The following DYSF variants were observed in gnomAD, a reference collection of about 807,000 sequenced individuals.
DYSF encodes dystrophy-associated fer-1-like 1.
DYSF carries 212 observed loss-of-function variants against 274.9 expected under a neutral mutation model. The observed-to-expected ratio is 0.77, with a 90% CI of 0.69 to 0.86. DYSF has a LOEUF of 0.86. DYSF is among the 40% of genes least tolerant of loss of function. DYSF has a pLI of 0.00. For missense variants in DYSF, 2,666 were observed against 2,783.2 expected, an observed-to-expected ratio of 0.96 and a Z score of 0.95; for synonymous variants, 1,091 against 1,078.7, an observed-to-expected ratio of 1.01 and a Z score of -0.22.
intron 2 of DYSF, among the ~76,000 whole-genome samples, chr2:71,481,209 G>C (rs1196530616): frequency 1.3e-5 from 2 of 152,188 alleles, no homozygotes; most frequent in African/African-American, 4.8e-5. Context: ...GGTGCTCAGG[G>C]ACTCTCTTGC....
chr2:71,589,032 T>G (rs538019634), intron 30 of DYSF, among the ~76,000 whole-genome samples: 27 of 152,274 alleles, frequency 1.8e-4, no homozygotes, highest in Non-Finnish European at 3.1e-4. Flanking sequence ...ACAGACAGCT[T>G]GGCTTCCGAG....
intron 35 of DYSF, 167 bp from the exon 36 acceptor site, chr2:71,602,609 C>T (rs1165792985): frequency 1.5e-6 from 1 of 670,636 alleles, no homozygotes; most frequent in Non-Finnish European, 2.7e-6. Flanking sequence ...GTGCATCATT[C>T]TTACCCTTGG....
At chr2:71,602,859 G>A in intron 36 of DYSF, 54 bp downstream of exon 36, 1 of 1,554,206 alleles carries the variant, frequency 6.4e-7, no homozygotes, top group Non-Finnish European at 8.8e-7. Flanking sequence ...GGAAGGTGAA[G>A]CCAGCCTTCA....
chr2:71,624,611 A>G (rs1451949890), intron 41 of DYSF, among the ~76,000 whole-genome samples: 3 of 152,238 alleles, frequency 2.0e-5, no homozygotes, highest in Non-Finnish European at 4.4e-5. Context: ...AAATATTTCA[A>G]TAGTTTGGCT....
At chr2:71,513,060 C>G (rs2086258591) in intron 5 of DYSF, among the ~76,000 whole-genome samples, 180 bp from the exon 6 acceptor site, 1 of 152,108 alleles carries the variant, frequency 6.6e-6, no homozygotes, top group South Asian at 2.1e-4. Flanking sequence ...GGCTTCCAGA[C>G]ACGCCTGGGA....
chr2:71,653,731 A>G (rs1243541187), intron 42 of DYSF, among the ~76,000 whole-genome samples: 1 of 151,994 alleles, frequency 6.6e-6, no homozygotes, highest in Non-Finnish European at 1.5e-5. Context: ...TAATGGGTGC[A>G]GCACACCAAC....
intron 3 of DYSF, among the ~76,000 whole-genome samples, chr2:71,487,310 T>G (rs946227651): frequency 2.6e-5 from 4 of 152,138 alleles, no homozygotes; most frequent in Non-Finnish European, 5.9e-5. Context: ...TTTGGAACAG[T>G]GTTTCCAACC....
chr2:71,609,451 A>G (rs1235147090), intron 36 of DYSF, among the ~76,000 whole-genome samples: 1 of 150,994 alleles, frequency 6.6e-6, no homozygotes, highest in Non-Finnish European at 1.5e-5. Context: ...GGAGATCAAC[A>G]CCAACACCAA....
intron 40 of DYSF, among the ~76,000 whole-genome samples, chr2:71,618,277 G>T (rs111214686): frequency 2.0e-5 from 2 of 101,756 alleles, no homozygotes; most frequent in East Asian, 3.2e-4. Context: ...GTGTGTGTGT[G>T]TGGTAGAGGT....
chr2:71,618,331 G>T (rs1006033817), intron 40 of DYSF, among the ~76,000 whole-genome samples: 7 of 19,384 alleles, frequency 3.6e-4, no homozygotes, highest in South Asian at 2.7e-3. Flanking sequence ...GTAGAGATGG[G>T]GTGTGTGTGT....
intron 51 of DYSF, among the ~76,000 whole-genome samples, chr2:71,671,653 T>C (rs2095123844): frequency 1.3e-5 from 2 of 152,148 alleles, no homozygotes; most frequent in Non-Finnish European, 2.9e-5. Context: ...AAAGAGCTGC[T>C]ATGAGTGACA....
intron 45 of DYSF, among the ~76,000 whole-genome samples, chr2:71,661,394 C>T (rs2094879361): frequency 6.6e-6 from 1 of 152,046 alleles, no homozygotes. Flanking sequence ...TTTAACCAAA[C>T]TAGACTTTTT....
intron 17 of DYSF, among the ~76,000 whole-genome samples, chr2:71,545,551 G>C (rs909162750): frequency 6.6e-6 from 1 of 152,186 alleles, no homozygotes; most frequent in African/African-American, 2.4e-5. Context: ...AGAGATTTGG[G>C]GGTGGTAATG....
Position 71,526,271 on chromosome 2 carries a change from C to T in DYSF, c.1201C>T (p.Leu401Phe), listed in dbSNP as rs751827370. ...EDKEDIESNL[L>F]RPTGVALRGA... Reference sequence around the variant, plus strand: ...CAAGGAGGACATTGAAAGCAACCTGCTCCGGCCCACAGGCGTAGCCCTGCG... The same window carrying T: ...CAAGGAGGACATTGAAAGCAACCTGTTCCGGCCCACAGGCGTAGCCCTGCG... The change falls in exon 13 of 56, where the codon CTC (leucine) becomes TTC (phenylalanine). Residue 401 changes from leucine to phenylalanine, a missense_variant. Coordinates refer to ENST00000410020, the MANE Select transcript of DYSF (RefSeq NM_001130987.2). The T allele has an allele frequency of 6.2e-7, 1 of 1,614,270 alleles. No homozygotes were observed.
chr2:71,682,749 G>A, intron 55 of DYSF, 72 bp downstream of exon 55: 1 of 1,555,754 alleles, frequency 6.4e-7, no homozygotes, highest in Admixed American at 1.9e-5. Flanking sequence ...TGTCCTCAAA[G>A]AGCTCTCCCA....
At chr2:71,617,650 G>C (rs1460245654) in intron 40 of DYSF, among the ~76,000 whole-genome samples, 1 of 149,600 alleles carries the variant, frequency 6.7e-6, no homozygotes, top group African/African-American at 2.5e-5. Flanking sequence ...GAGGTGGTGT[G>C]TGTGTGGCAG....
chr2:71,517,116 G>A lies in DYSF; in HGVS notation c.1002+77G>A, dbSNP rs548634243. 8.4e-5 allele frequency: 112 copies of A among 1,340,650 alleles called. No homozygotes were observed. The African/African-American group carries it at 1.4e-3, about 17-fold the overall frequency. The allele number at this position is 1,340,650 out of a possible 1,614,324, so 83.0% of individuals were successfully genotyped here. ...TGGAGCCTCTGTGGACCATGGGCAG[G>A]GGCTCCAGAGATCCTGTGTTTCTCT... is the stretch of plus-strand genomic sequence containing the variant. On this transcript the variant is annotated intron_variant, in intron 10 of 55. Coordinates refer to ENST00000410020, the MANE Select transcript of DYSF (RefSeq NM_001130987.2).
chr2:71,662,751 A>G (rs2094911012), intron 45 of DYSF, among the ~76,000 whole-genome samples: 1 of 137,488 alleles, frequency 7.3e-6, no homozygotes, highest in Non-Finnish European at 1.6e-5. Context: ...GTGTGCGTGT[A>G]TGTGCATGTG....
chr2:71,599,294 A>G (rs1207435847), intron 33 of DYSF, among the ~76,000 whole-genome samples: 1 of 152,216 alleles, frequency 6.6e-6, no homozygotes, highest in East Asian at 1.9e-4. Flanking sequence ...GTGCTGTCCA[A>G]AAAGGGAGCC....
Sources: allele counts gnomAD v4.1 joint callset (sites outside exome capture counted in the v4.1 genomes callset), GRCh38; gene constraint gnomAD v4.1.1; transcripts MANE v1.5; gene names NCBI Gene and HGNC (gene_info 2026-07-23, HGNC 2026-07-21).